The following CHD9 variants were observed in gnomAD, a reference collection of about 807,000 sequenced individuals.
The protein encoded by CHD9 is chromodomain helicase DNA binding protein 9.
Under a neutral mutation model 316.1 loss-of-function variants are expected in CHD9, and 77 were observed. The observed-to-expected ratio is 0.24, with a 90% CI of 0.20 to 0.29. The LOEUF (loss-of-function observed/expected upper bound fraction) is 0.29, where lower values mean the gene tolerates loss of function less well. Among genes scored for constraint, CHD9 ranks in the 10% least tolerant of loss-of-function variants. The probability of loss-of-function intolerance (pLI) is 1.00; values close to 1 mark genes in which losing one functional copy is unlikely to be tolerated. For synonymous variants in CHD9, 1,129 were observed against 1,158.3 expected (o/e 0.97, Z 0.51); for missense variants, 2,763 against 3,438.1 (o/e 0.80, Z 4.91).
At chr16:53,076,518 T>A (rs1272971305) in intron 1 of CHD9, among the ~76,000 whole-genome samples, 1 of 151,792 alleles carries the variant, frequency 6.6e-6, no homozygotes, top group African/African-American at 2.4e-5. Flanking sequence ...GAGGTTGCAA[T>A]GAGCCGAGAT....
intron 3 of CHD9, among the ~76,000 whole-genome samples, chr16:53,212,092 A>C (rs62048055): frequency 0.28 from 42,308 of 152,060 alleles, 5,977 homozygotes; most frequent in Middle Eastern, 0.32. Flanking sequence ...AATCAACAGC[A>C]GTGTAAAATA....
intron 22 of CHD9, among the ~76,000 whole-genome samples, chr16:53,273,055 C>G (rs2052429816): frequency 6.6e-6 from 1 of 151,848 alleles, no homozygotes. Flanking sequence ...CGCCACTGCA[C>G]TCCAGCCTGA....
chr16:53,267,093 A>G (rs1434426822), intron 20 of CHD9, among the ~76,000 whole-genome samples: 1 of 152,210 alleles, frequency 6.6e-6, no homozygotes, highest in Non-Finnish European at 1.5e-5. Flanking sequence ...CTATAATGTC[A>G]TAAAATTTTA....
intron 38 of CHD9, among the ~76,000 whole-genome samples, chr16:53,323,070 C>T (rs1216084682): frequency 6.6e-6 from 1 of 151,990 alleles, no homozygotes. Context: ...AACAGTAGCC[C>T]CTCAGTAGCC....
At position 53,304,688 on chromosome 16, in the gene CHD9, CT is replaced by C. The variant is rs1342036909; in HGVS notation, c.6619+67del. The C allele has an allele frequency of 3.3e-4, 266 of 795,114 alleles. No homozygotes were observed. The East Asian group carries it at 4.1e-3, about 12-fold the overall frequency. The allele number at this position is 795,114 out of a possible 1,614,324, so 49.3% of individuals were successfully genotyped here. A position where few individuals can be genotyped will look rare whatever the true frequency, so the allele number is the denominator to read the frequency against. ...CTTTTCTTTTCTTTTCTTTTCTTTT[CT>C]TTTCTTTTTTTTTTTTTTTTTTGAG... On this transcript the variant is annotated intron_variant, in intron 31 of 38. Transcript: ENST00000447540.
intron 11 of CHD9, among the ~76,000 whole-genome samples, chr16:53,236,282 G>C (rs2048611896): frequency 6.6e-6 from 1 of 151,874 alleles, no homozygotes. Flanking sequence ...TTCACTCTCT[G>C]TATATGACTG....
chr16:53,091,018 C>G (rs953988287), intron 1 of CHD9, among the ~76,000 whole-genome samples: 1 of 152,058 alleles, frequency 6.6e-6, no homozygotes, highest in Admixed American at 6.6e-5. Context: ...CCCGACTGAC[C>G]GCGGTGAGGC....
intron 24 of CHD9, among the ~76,000 whole-genome samples, chr16:53,282,170 GATTTTA>G (rs998780732): frequency 6.6e-6 from 1 of 151,822 alleles, no homozygotes; most frequent in Non-Finnish European, 1.5e-5. Context: ...TTCTCATTTG[GATTTTA>G]ACATGTTTAC....
intron 2 of CHD9, among the ~76,000 whole-genome samples, chr16:53,183,945 T>G (rs1396714353): frequency 6.6e-6 from 1 of 152,026 alleles, no homozygotes; most frequent in Non-Finnish European, 1.5e-5. Context: ...GCTAATTTTT[T>G]TTTTTTTCTT....
chr16:53,097,540 C>A lies in CHD9; in HGVS notation c.-165+42463C>A, dbSNP rs982309715. 2.6e-5 allele frequency among the ~76,000 whole-genome samples: 4 copies of A among 152,174 alleles called. No homozygotes were observed. In the South Asian group the frequency reaches 8.3e-4, roughly 32 times the overall value. On this transcript the variant is annotated intron_variant, in intron 1 of 38. Coordinates refer to ENST00000447540, the MANE Select transcript of CHD9 (RefSeq NM_001308319.2). Reference sequence around the variant, plus strand: ...TCAGCCTCCCAAAGCACTGGGATTACAGGCATGAGCCACCGTACCTGGTCT... The same window carrying A: ...TCAGCCTCCCAAAGCACTGGGATTAAAGGCATGAGCCACCGTACCTGGTCT...
chr16:53,060,138 G>A (rs1036463922), intron 1 of CHD9, among the ~76,000 whole-genome samples: 1 of 152,186 alleles, frequency 6.6e-6, no homozygotes, highest in Non-Finnish European at 1.5e-5. Context: ...GGGGCCAGGA[G>A]TTCAAGACCA....
intron 1 of CHD9, among the ~76,000 whole-genome samples, chr16:53,146,413 G>GTATATATATATATATA (rs1361043895): frequency 3.7e-4 from 9 of 24,484 alleles, no homozygotes; most frequent in Non-Finnish European, 5.3e-4. Context: ...TTGTGTGTGT[G>GTATATATATATATATA]TGTATGTATA....
chr16:53,191,036 C>T (rs1266939454), intron 2 of CHD9, among the ~76,000 whole-genome samples: 3 of 151,858 alleles, frequency 2.0e-5, no homozygotes, highest in African/African-American at 2.4e-5. Context: ...TAATCATTAC[C>T]GCAATTAAGA....
chr16:53,100,814 A>G (rs2036807011), intron 1 of CHD9, among the ~76,000 whole-genome samples: 1 of 152,190 alleles, frequency 6.6e-6, no homozygotes, highest in African/African-American at 2.4e-5. Context: ...TGACATTGGC[A>G]AGTCACTATA....
At chr16:53,205,482 G>T (rs1018339883) in intron 2 of CHD9, among the ~76,000 whole-genome samples, 2 of 152,142 alleles carry the variant, frequency 1.3e-5, no homozygotes, top group Non-Finnish European at 2.9e-5. Context: ...GATGGTGGGG[G>T]GAAGGGCAGA....
At chr16:53,255,236 G>A (rs570538198) in intron 18 of CHD9, among the ~76,000 whole-genome samples, 2 of 152,236 alleles carry the variant, frequency 1.3e-5, no homozygotes, top group African/African-American at 4.8e-5. Context: ...TTGAGTCCAG[G>A]AGGTCAAGGC....
intron 2 of CHD9, among the ~76,000 whole-genome samples, chr16:53,190,664 T>C (rs936343796): frequency 2.0e-5 from 3 of 152,124 alleles, no homozygotes; most frequent in African/African-American, 7.2e-5. Context: ...CTAGTTTATA[T>C]TGATTTACCA....
chr16:53,296,683 G>A (rs1313918845), intron 29 of CHD9, among the ~76,000 whole-genome samples: 2 of 151,724 alleles, frequency 1.3e-5, no homozygotes, highest in African/African-American at 2.4e-5. Context: ...CTGACCTTGC[G>A]ATCCGCCCGC....
At chr16:53,176,767 A>G (rs964483147) in intron 2 of CHD9, among the ~76,000 whole-genome samples, 1 of 152,194 alleles carries the variant, frequency 6.6e-6, no homozygotes, top group African/African-American at 2.4e-5. Context: ...CCAATAATGC[A>G]TATTTGAACA....
Sources: gnomAD v4.1 joint callset for allele counts (sites outside exome capture counted in the v4.1 genomes callset) on GRCh38, gnomAD v4.1.1 for gene constraint, MANE v1.5 for transcripts, NCBI Gene and HGNC (gene_info 2026-07-23, HGNC 2026-07-21) for gene names.